Variants in MAN1A2 observed in about 807,000 individuals in gnomAD.
MAN1A2 encodes the protein mannosidase alpha class 1A member 2, also known as mannosyl-oligosaccharide 1,2-alpha-mannosidase IB.
Under a neutral mutation model 75.7 loss-of-function variants are expected in MAN1A2, and 26 were observed. That is an observed-to-expected ratio of 0.34 (90% CI 0.25 to 0.48). The LOEUF is 0.48. Ranked by LOEUF, MAN1A2 falls within the 20% of genes least tolerant of loss-of-function variation. The pLI, the probability that MAN1A2 is intolerant of heterozygous loss-of-function variation, is 0.99. For synonymous variants in MAN1A2, 247 were observed against 264.6 expected (o/e 0.93, Z 0.65); for missense variants, 562 against 775.5 (o/e 0.72, Z 3.27).
At chr1:117,513,691 A>C (rs1297128775) in intron 12 of MAN1A2, among the ~76,000 whole-genome samples, 1 of 152,034 alleles carries the variant, frequency 6.6e-6, no homozygotes, top group East Asian at 1.9e-4. Flanking sequence ...AATGTTTTTA[A>C]TCTGGTGCTT....
chr1:117,508,939 C>T (rs1486337031), intron 12 of MAN1A2, among the ~76,000 whole-genome samples: 3 of 151,186 alleles, frequency 2.0e-5, no homozygotes, highest in Non-Finnish European at 3.0e-5. Context: ...AAAAAATAGG[C>T]TGGATCACTG....
At chr1:117,513,931 G>A (rs907245642) in intron 12 of MAN1A2, among the ~76,000 whole-genome samples, 2 of 152,156 alleles carry the variant, frequency 1.3e-5, no homozygotes, top group African/African-American at 2.4e-5. Context: ...TTGTAGTATT[G>A]TAAAGAAAGC....
chr1:117,525,249 C>A lies in MAN1A2; in HGVS notation c.*2292C>A. 2.4e-6 allele frequency: 1 copy of A among 418,650 alleles called. No homozygotes were observed. Among genetic ancestry groups the A allele is most frequent in the Non-Finnish European group, 5.0e-6 (1 of 200,812 alleles). 25.9% of individuals were successfully genotyped at this position (418,650 alleles called of 1,614,324 possible). On this transcript the variant is annotated 3_prime_UTR_variant, in exon 13 of 13. Coordinates refer to ENST00000356554, the MANE Select transcript of MAN1A2 (RefSeq NM_006699.5). ...AGGGACAATGGAAGGGTCTTCTTCA[C>A]CACTCCTTACCTTCTATGTGATGGA...
intron 10 of MAN1A2, among the ~76,000 whole-genome samples, chr1:117,497,199 A>G (rs1651057961): frequency 6.6e-6 from 1 of 152,010 alleles, no homozygotes; most frequent in Non-Finnish European, 1.5e-5. Flanking sequence ...TCTGTTAAAG[A>G]TTTTGAAGTA....
chr1:117,487,027 T>G (rs1570784084), intron 8 of MAN1A2, among the ~76,000 whole-genome samples: 1 of 152,028 alleles, frequency 6.6e-6, no homozygotes, highest in East Asian at 1.9e-4. Context: ...ACATCAGATT[T>G]CTTATCAATT....
intron 1 of MAN1A2, among the ~76,000 whole-genome samples, chr1:117,384,994 AT>A (rs1393609473): frequency 6.6e-6 from 1 of 152,164 alleles, no homozygotes; most frequent in Non-Finnish European, 1.5e-5. Context: ...GGAATTGAAA[AT>A]TTTGGTTTAC....
At chr1:117,414,020 C>T (rs1030291559) in intron 3 of MAN1A2, among the ~76,000 whole-genome samples, 5 of 151,710 alleles carry the variant, frequency 3.3e-5, no homozygotes, top group Admixed American at 3.3e-4. Context: ...TCTTCCCTCT[C>T]TTCCTCCCTT....
intron 3 of MAN1A2, among the ~76,000 whole-genome samples, chr1:117,406,750 T>C (rs1647631048): frequency 6.6e-6 from 1 of 152,134 alleles, no homozygotes; most frequent in Admixed American, 6.5e-5. Flanking sequence ...TTCTTACTGC[T>C]TTGTGGATGT....
At position 117,527,468 on chromosome 1, in the gene MAN1A2, C is replaced by T. The variant is rs1049105684; in HGVS notation, c.*4511C>T. The T allele has an allele frequency of 2.0e-5, 3 of 151,786 alleles. No homozygotes were observed. The highest frequency in any genetic ancestry group is 7.3e-5 in the African/African-American group (3 of 41,334). 9.4% of individuals were successfully genotyped at this position (151,786 alleles called of 1,614,324 possible). On this transcript the variant is annotated 3_prime_UTR_variant, in exon 13 of 13. Transcript: ENST00000356554. ...TTCATTTTTAAATCAAAAAGATGTG[C>T]GTATATATGGTTGTGTGTATCTGTA...
intron 5 of MAN1A2, among the ~76,000 whole-genome samples, chr1:117,422,477 A>G (rs1223160447): frequency 6.6e-6 from 1 of 152,144 alleles, no homozygotes; most frequent in African/African-American, 2.4e-5. Flanking sequence ...GGATAAATAC[A>G]TAGGAATGGG....
chr1:117,511,800 A>G (rs1352285887), intron 12 of MAN1A2, among the ~76,000 whole-genome samples: 5 of 152,000 alleles, frequency 3.3e-5, no homozygotes, highest in Non-Finnish European at 5.9e-5. Context: ...TCTTCATAGC[A>G]CCTATCTTCC....
chr1:117,398,204 T>C (rs1438456408), intron 1 of MAN1A2, among the ~76,000 whole-genome samples: 1 of 152,096 alleles, frequency 6.6e-6, no homozygotes, highest in Non-Finnish European at 1.5e-5. Context: ...TTAAGTACTA[T>C]GAAGGAAAGA....
At chr1:117,478,069 A>G (rs1000446678) in intron 8 of MAN1A2, among the ~76,000 whole-genome samples, 4 of 152,004 alleles carry the variant, frequency 2.6e-5, no homozygotes, top group African/African-American at 4.8e-5. Context: ...TAGGAATCCA[A>G]CTTACAAGGG....
chr1:117,421,383 G>C (rs1205762997), intron 5 of MAN1A2, among the ~76,000 whole-genome samples: 1 of 151,808 alleles, frequency 6.6e-6, no homozygotes, highest in Non-Finnish European at 1.5e-5. Context: ...ATCTATGTTA[G>C]CTGTATTTTG....
At chr1:117,501,452 A>ATAGC (rs1205666402) in intron 11 of MAN1A2, among the ~76,000 whole-genome samples, 6 of 151,814 alleles carry the variant, frequency 4.0e-5, no homozygotes, top group Non-Finnish European at 8.8e-5. Flanking sequence ...GAATAGCAGT[A>ATAGC]TAGCGTGTCT....
intron 6 of MAN1A2, among the ~76,000 whole-genome samples, chr1:117,445,428 T>G (rs2101816856): frequency 6.6e-6 from 1 of 152,316 alleles, no homozygotes; most frequent in African/African-American, 2.4e-5. Context: ...TACTTCTTTC[T>G]TAACTGTTTG....
intron 1 of MAN1A2, among the ~76,000 whole-genome samples, chr1:117,370,569 A>G (rs1235750376): frequency 6.6e-6 from 1 of 152,232 alleles, no homozygotes; most frequent in Non-Finnish European, 1.5e-5. Context: ...AATTAAGTGT[A>G]TGTTTAAAAT....
chr1:117,511,941 G>A (rs1179583175), intron 12 of MAN1A2, among the ~76,000 whole-genome samples: 2 of 152,016 alleles, frequency 1.3e-5, no homozygotes, highest in African/African-American at 2.4e-5. Context: ...CATATACTAT[G>A]TATTTCAGTA....
intron 8 of MAN1A2, among the ~76,000 whole-genome samples, chr1:117,469,414 A>G (rs1650072297): frequency 6.6e-6 from 1 of 152,144 alleles, no homozygotes; most frequent in African/African-American, 2.4e-5. Flanking sequence ...GGATTCTTCA[A>G]TATGACACCA....
Sources: allele counts gnomAD v4.1 joint callset (sites outside exome capture counted in the v4.1 genomes callset), GRCh38; gene constraint gnomAD v4.1.1; transcripts MANE v1.5; gene names NCBI Gene and HGNC (gene_info 2026-07-23, HGNC 2026-07-21).